Variants in ATE1 observed in about 807,000 individuals in gnomAD.
ATE1 encodes the protein arginyl-tRNA--protein transferase 1.
A neutral mutation model predicts 70.5 loss-of-function variants in ATE1; 36 were observed. The ratio of observed to expected loss-of-function variants is 0.51; its 90% CI spans 0.39 to 0.67. The LOEUF is 0.67. ATE1 is among the 30% of genes least tolerant of loss of function. The probability of loss-of-function intolerance (pLI) is 0.00; values close to 1 mark genes in which losing one functional copy is unlikely to be tolerated. For synonymous variants in ATE1, 232 were observed against 219.3 expected (o/e 1.06, Z -0.51); for missense variants, 593 against 629.5 (o/e 0.94, Z 0.62).
At chr10:121,774,034 T>A (rs1200407562) in intron 11 of ATE1, among the ~76,000 whole-genome samples, 1 of 152,196 alleles carries the variant, frequency 6.6e-6, no homozygotes, top group African/African-American at 2.4e-5. Context: ...CTTTTTCTTG[T>A]CATCTTGAAT....
At chr10:121,869,418 A>C (rs1949774686) in intron 8 of ATE1, among the ~76,000 whole-genome samples, 1 of 152,230 alleles carries the variant, frequency 6.6e-6, no homozygotes, top group African/African-American at 2.4e-5. Flanking sequence ...TAAACATCTA[A>C]TAGTTTTTCT....
At chr10:121,754,520 A>G (rs1293525782) in intron 11 of ATE1, among the ~76,000 whole-genome samples, 1 of 152,218 alleles carries the variant, frequency 6.6e-6, no homozygotes, top group Non-Finnish European at 1.5e-5. Context: ...AGATTCCGTG[A>G]GTCAATATAA....
At chr10:121,889,452 C>T (rs966382592) in intron 7 of ATE1, among the ~76,000 whole-genome samples, 2 of 152,054 alleles carry the variant, frequency 1.3e-5, no homozygotes, top group Non-Finnish European at 2.9e-5. Flanking sequence ...CAATACAGTT[C>T]ATGTAAAATG....
chr10:121,916,002 C>T (rs373269347), intron 3 of ATE1, among the ~76,000 whole-genome samples: 28 of 151,516 alleles, frequency 1.8e-4, no homozygotes, highest in African/African-American at 6.3e-4. Flanking sequence ...TTTGGGAGGC[C>T]GAGGCGGGCA....
intron 11 of ATE1, among the ~76,000 whole-genome samples, chr10:121,788,110 C>T (rs1874661): frequency 0.99 from 150,411 of 152,334 alleles, 74,287 homozygotes; most frequent in Middle Eastern, 1. Flanking sequence ...CTGACTGACC[C>T]TAAAAAAGCT....
At chr10:121,766,765 T>G (rs1945296562) in intron 11 of ATE1, among the ~76,000 whole-genome samples, 1 of 152,214 alleles carries the variant, frequency 6.6e-6, no homozygotes, top group African/African-American at 2.4e-5. Context: ...AAGTGCCCTA[T>G]AAAGACTGAA....
rs573579686 is a variant in ATE1, at chr10:121,824,079, A to G, written c.1257+12639T>C. 3.2e-4 allele frequency among the ~76,000 whole-genome samples: 49 copies of G among 152,252 alleles called. 1 individual carries two copies. Among genetic ancestry groups the G allele is most frequent in the African/African-American group, 1.1e-3 (47 of 41,546 alleles). On this transcript the variant is annotated intron_variant, in intron 10 of 11. Coordinates refer to ENST00000224652, the MANE Select transcript of ATE1 (RefSeq NM_001001976.3). ...ACATGTGACAGTGTTCTAAATAAGA[A>G]TTTGTGATGACCATGAGAATTCTTT...
chr10:121,826,959 A>G (rs545189503), intron 10 of ATE1, among the ~76,000 whole-genome samples: 2 of 152,000 alleles, frequency 1.3e-5, no homozygotes, highest in South Asian at 4.2e-4. Flanking sequence ...CTTTTTGATG[A>G]CTGTGTAGTA....
intron 3 of ATE1, among the ~76,000 whole-genome samples, chr10:121,917,243 T>C (rs527740827): frequency 6.6e-6 from 1 of 152,196 alleles, no homozygotes; most frequent in East Asian, 1.9e-4. Context: ...GTCAGAAGGC[T>C]CCACAAGGGA....
At chr10:121,826,643 G>A (rs1948029166) in intron 10 of ATE1, among the ~76,000 whole-genome samples, 1 of 152,060 alleles carries the variant, frequency 6.6e-6, no homozygotes, top group Admixed American at 6.5e-5. Context: ...AGAATCAGAG[G>A]GTACATGTGC....
At chr10:121,887,751 G>A (rs1371324679) in intron 7 of ATE1, among the ~76,000 whole-genome samples, 2 of 151,970 alleles carry the variant, frequency 1.3e-5, no homozygotes, top group African/African-American at 2.4e-5. Flanking sequence ...AGATGGCAAT[G>A]GATTATAGCA....
At position 121,927,458 on chromosome 10, in the gene ATE1, C is replaced by G. The variant is rs575888551; in HGVS notation, c.106+386G>C. 5.1e-6 allele frequency: 5 copies of G among 985,304 alleles called. No homozygotes were observed. The South Asian group carries it at 1.9e-4, about 37-fold the overall frequency. 61.0% of individuals were successfully genotyped at this position (985,304 alleles called of 1,614,324 possible). On this transcript the variant is annotated intron_variant, in intron 1 of 11. Coordinates refer to ENST00000224652, the MANE Select transcript of ATE1 (RefSeq NM_001001976.3). ...TGCACACCCACAGCTCCCTCTGCAC[C>G]GCGTTTCGCCCTCGCTCCCGGGACG... is the stretch of plus-strand genomic sequence containing the variant.
At chr10:121,856,198 T>C (rs1292203741) in intron 8 of ATE1, among the ~76,000 whole-genome samples, 2 of 152,118 alleles carry the variant, frequency 1.3e-5, no homozygotes, top group African/African-American at 2.4e-5. Flanking sequence ...GAATTATTAG[T>C]ATTAAGTATA....
intron 10 of ATE1, among the ~76,000 whole-genome samples, chr10:121,796,389 C>T (rs547123998): frequency 3.3e-5 from 5 of 152,172 alleles, no homozygotes; most frequent in African/African-American, 7.2e-5. Context: ...AGTTCAAAGC[C>T]GTCAAAGGGA....
chr10:121,913,904 AAAAT>A lies in ATE1; in HGVS notation c.234-15_234-12del, dbSNP rs1466099602. 4 of 1,593,244 alleles carry A rather than the reference AAAAT, an allele frequency of 2.5e-6. No individual in the cohort carries two copies. The highest frequency in any genetic ancestry group is 3.4e-5 in the Admixed American group (2 of 58,028). On this transcript the variant is annotated splice_polypyrimidine_tract_variant and intron_variant, in intron 3 of 11. Coordinates refer to ENST00000224652, the MANE Select transcript of ATE1 (RefSeq NM_001001976.3). ...TGTAAAGGTCGGCACCTAGGAAAGCAAAATAAATATTTAAAAAGTGAACTCAAAC... is the reference window on the plus strand; with the variant it reads ...TGTAAAGGTCGGCACCTAGGAAAGCAAAATATTTAAAAAGTGAACTCAAAC...
intron 11 of ATE1, among the ~76,000 whole-genome samples, chr10:121,783,937 G>A (rs1300738613): frequency 6.6e-6 from 1 of 152,082 alleles, no homozygotes; most frequent in East Asian, 1.9e-4. Context: ...CCAGGCTGAG[G>A]TGCAGTGGCG....
At chr10:121,835,595 TTA>T (rs2133741371) in intron 10 of ATE1, among the ~76,000 whole-genome samples, 1 of 152,146 alleles carries the variant, frequency 6.6e-6, no homozygotes, top group South Asian at 2.1e-4. Flanking sequence ...GTAAAAAAGA[TTA>T]TGAGACAATA....
chr10:121,798,737 T>C (rs1468631857), intron 10 of ATE1, among the ~76,000 whole-genome samples: 1 of 140,790 alleles, frequency 7.1e-6, no homozygotes, highest in Non-Finnish European at 1.6e-5. Context: ...CCTTCTCTAC[T>C]AAAAATACAA....
At chr10:121,854,491 C>T (rs1201626504) in intron 8 of ATE1, among the ~76,000 whole-genome samples, 1 of 152,188 alleles carries the variant, frequency 6.6e-6, no homozygotes, top group Non-Finnish European at 1.5e-5. Context: ...ATGAGAAACA[C>T]ACCTCACAGT....
Sources: allele counts gnomAD v4.1 joint callset (sites outside exome capture counted in the v4.1 genomes callset), GRCh38; gene constraint gnomAD v4.1.1; transcripts MANE v1.5; gene names NCBI Gene and HGNC (gene_info 2026-07-23, HGNC 2026-07-21).